NSD1: variants seen among roughly 807,000 people sequenced by gnomAD.
NSD1 encodes the protein histone-lysine N-methyltransferase, H3 lysine-36 specific.
NSD1 carries 26 observed loss-of-function variants against 242.7 expected under a neutral mutation model. The ratio of observed to expected loss-of-function variants is 0.11; its 90% CI spans 0.08 to 0.15. The LOEUF (loss-of-function observed/expected upper bound fraction) is 0.15. NSD1 is among the 10% of genes least tolerant of loss of function. The pLI is 1.00. For synonymous variants in NSD1, 1,106 were observed against 1,178.1 expected, an observed-to-expected ratio of 0.94 and a Z score of 1.25; for missense variants, 2,495 against 3,272.8, an observed-to-expected ratio of 0.76 and a Z score of 5.80.
At chr5:177,146,783 C>T (rs906310117) in intron 2 of NSD1, among the ~76,000 whole-genome samples, 7 of 151,760 alleles carry the variant, frequency 4.6e-5, no homozygotes, top group Non-Finnish European at 1.0e-4. Context: ...GCGGCTGGAT[C>T]ACCTGAGGTC....
At chr5:177,190,013 A>G (rs2149818595) in intron 2 of NSD1, among the ~76,000 whole-genome samples, 1 of 152,288 alleles carries the variant, frequency 6.6e-6, no homozygotes, top group South Asian at 2.1e-4. Flanking sequence ...GCTGGAGTGC[A>G]GTGGGCATGA....
At chr5:177,288,525 CAT>C (rs1046669344) in intron 20 of NSD1, 5 of 348,744 alleles carry the variant, frequency 1.4e-5, no homozygotes, top group African/African-American at 1.1e-4. Flanking sequence ...AATGAATTAA[CAT>C]ATTTTGAATC....
chr5:177,285,538 C>T (rs562407715), intron 20 of NSD1, among the ~76,000 whole-genome samples: 93 of 115,304 alleles, frequency 8.1e-4, no homozygotes, highest in African/African-American at 2.9e-3. Flanking sequence ...CACTCTAGCC[C>T]GGGCAACAGA....
At chr5:177,201,134 G>A (rs572684092) in intron 3 of NSD1, among the ~76,000 whole-genome samples, 1 of 152,208 alleles carries the variant, frequency 6.6e-6, no homozygotes, top group East Asian at 1.9e-4. Flanking sequence ...TGATCTGCCT[G>A]CCTCCACCTC....
chr5:177,270,778 C>T (rs543843487), intron 16 of NSD1, among the ~76,000 whole-genome samples: 6 of 152,248 alleles, frequency 3.9e-5, no homozygotes, highest in African/African-American at 1.2e-4. Context: ...GGAGTAATGT[C>T]GATAGGGAAC....
chr5:177,172,916 C>G (rs1759829592), intron 2 of NSD1, among the ~76,000 whole-genome samples: 1 of 147,522 alleles, frequency 6.8e-6, no homozygotes. Context: ...GAGCTGAGAT[C>G]CTGCCACTGT....
intron 21 of NSD1, among the ~76,000 whole-genome samples, chr5:177,289,180 C>A (rs1267569214): frequency 6.6e-6 from 1 of 151,898 alleles, no homozygotes; most frequent in Non-Finnish European, 1.5e-5. Flanking sequence ...ATTAGCTGGG[C>A]CGTGGTGGCA....
At chr5:177,282,345 TATACTC>T (rs1464888374) in intron 18 of NSD1, 114 bp from the exon 19 acceptor site, 5 of 778,478 alleles carry the variant, frequency 6.4e-6, no homozygotes, top group Admixed American at 1.7e-5. Flanking sequence ...TGCCTAAAAT[TATACTC>T]ATGTAATCTG....
rs1759095352 is a variant in NSD1 at position 177,283,941 on chromosome 5, T to C, written c.6151+13T>C. 1.2e-6 allele frequency: 2 copies of C among 1,613,918 alleles called. No individual in the cohort carries two copies. The highest frequency in any genetic ancestry group is 1.7e-6 in the Non-Finnish European group (2 of 1,179,906). ...GACATTAAAGCAGGTAAGAATCATT[T>C]CAGGATTCTGCAGCTGACATCTGAA... On this transcript the variant is annotated intron_variant, in intron 20 of 22. Coordinates refer to ENST00000439151, the MANE Select transcript of NSD1 (RefSeq NM_022455.5).
At chr5:177,204,912 A>G (rs1321145242) in intron 4 of NSD1, among the ~76,000 whole-genome samples, 1 of 152,210 alleles carries the variant, frequency 6.6e-6, no homozygotes, top group Non-Finnish European at 1.5e-5. Flanking sequence ...AAATTATGAC[A>G]TAGCGTGACC....
chr5:177,137,968 G>C (rs1049019617), intron 2 of NSD1, among the ~76,000 whole-genome samples: 1 of 151,758 alleles, frequency 6.6e-6, no homozygotes, highest in Non-Finnish European at 1.5e-5. Context: ...CCAGCTACTC[G>C]AGAGGCTGAG....
At chr5:177,157,197 G>C (rs900210372) in intron 2 of NSD1, among the ~76,000 whole-genome samples, 1 of 150,702 alleles carries the variant, frequency 6.6e-6, no homozygotes, top group Non-Finnish European at 1.5e-5. Context: ...GTGAAACTTT[G>C]TCTCTACTAA....
At chr5:177,197,454 C>G (rs1323701027) in intron 3 of NSD1, among the ~76,000 whole-genome samples, 1 of 152,024 alleles carries the variant, frequency 6.6e-6, no homozygotes, top group Non-Finnish European at 1.5e-5. Flanking sequence ...AACCCTGTCT[C>G]TACTAAAAAT....
rs1431749876 is a variant in NSD1 at position 177,282,794 on chromosome 5, T to C, written c.6009+213T>C. Among the ~76,000 whole-genome samples the C allele has an allele frequency of 2.0e-5, 3 of 152,220 alleles. No homozygotes were observed. In the East Asian group the frequency reaches 5.8e-4, roughly 29 times the overall value. The stretch of plus-strand genomic sequence containing the variant: ...AATACAGCAGCTTTTAGCATTGTTT[T>C]TGAACAATTCAATGAAAATTGGAGC... On this transcript the variant is annotated intron_variant, in intron 19 of 22. Transcript: ENST00000439151.
Position 177,296,137 on chromosome 5 carries a change from A to G in NSD1, c.*678A>G, listed in dbSNP as rs1226615984. The G allele has an allele frequency of 4.1e-6, 1 of 245,348 alleles. No homozygotes were observed. The highest frequency in any genetic ancestry group is 8.0e-6 in the Non-Finnish European group (1 of 124,386). 15.2% of individuals were successfully genotyped at this position (245,348 alleles called of 1,614,324 possible). On this transcript the variant is annotated 3_prime_UTR_variant, in exon 23 of 23. Coordinates refer to ENST00000439151, the MANE Select transcript of NSD1 (RefSeq NM_022455.5). ...TGCATGGGTGCGTGTGCATGCGCGC[A>G]CACTCACAGAGGTCTCCTCTATAGA...
chr5:177,264,064 T>G, intron 14 of NSD1, among the ~76,000 whole-genome samples: 5 of 119,764 alleles, frequency 4.2e-5, no homozygotes, highest in Admixed American at 1.0e-4. Flanking sequence ...TGAGATGGAG[T>G]CTGGCTGTGT....
At chr5:177,142,890 T>G (rs1443043623) in intron 2 of NSD1, among the ~76,000 whole-genome samples, 3 of 152,178 alleles carry the variant, frequency 2.0e-5, no homozygotes, top group Non-Finnish European at 1.5e-5. Flanking sequence ...TGTCCTGACC[T>G]TTCCAAATCT....
At chr5:177,277,268 G>C (rs1432698802) in intron 17 of NSD1, among the ~76,000 whole-genome samples, 1 of 151,734 alleles carries the variant, frequency 6.6e-6, no homozygotes, top group Non-Finnish European at 1.5e-5. Context: ...GTATTTTTTA[G>C]TGATTGGCAA....
chr5:177,147,294 A>G (rs919039291), intron 2 of NSD1, among the ~76,000 whole-genome samples: 1 of 151,936 alleles, frequency 6.6e-6, no homozygotes, highest in Non-Finnish European at 1.5e-5. Context: ...TTTTGTAGAG[A>G]TGGGGTTTTA....
Sources: allele counts gnomAD v4.1 joint callset (sites outside exome capture counted in the v4.1 genomes callset), GRCh38; gene constraint gnomAD v4.1.1; transcripts MANE v1.5; gene names NCBI Gene and HGNC (gene_info 2026-07-23, HGNC 2026-07-21).